Variants in KLHL5 observed in about 807,000 individuals in gnomAD.
KLHL5 encodes kelch like family member 5.
A neutral mutation model predicts 77.7 loss-of-function variants in KLHL5; 48 were observed. That is an observed-to-expected ratio of 0.62 (90% CI 0.49 to 0.79). KLHL5 has a LOEUF of 0.79. KLHL5 is among the 30% of genes least tolerant of loss of function. The probability of loss-of-function intolerance (pLI) is 0.00; values close to 1 mark genes in which losing one functional copy is unlikely to be tolerated. For synonymous variants in KLHL5, 260 were observed against 297.0 expected (o/e 0.88, Z 1.28); for missense variants, 723 against 859.7 (o/e 0.84, Z 1.99).
chr4:39,120,245 C>T (rs1474329056), intron 10 of KLHL5: 1 of 152,202 alleles, frequency 6.6e-6, no homozygotes, highest in Non-Finnish European at 1.5e-5. Context: ...TTTTTGTCCA[C>T]ACTTTTATTT....
At position 39,101,859 on chromosome 4, in the gene KLHL5, A is replaced by AAT. The variant is rs1553892986; in HGVS notation, c.1301-1410_1301-1409dup. On this transcript the variant is annotated intron_variant, in intron 6 of 10. Transcript: ENST00000504108. ...ACAGTCTGTCTCAAAAAAAAAAAAA[A>AAT]ATATATATATATATATATACACACA... is the stretch of plus-strand genomic sequence containing the variant. Among the ~76,000 whole-genome samples the AAT allele has an allele frequency of 6.6e-3, 694 of 104,748 alleles. 4 individuals are homozygous for AAT. Among genetic ancestry groups the AAT allele is most frequent in the African/African-American group, 0.011 (334 of 29,250 alleles). The allele number at this position is 104,748 out of a possible 152,430, so 68.7% of individuals were successfully genotyped here. A position where few individuals can be genotyped will look rare whatever the true frequency, so the allele number is the denominator to read the frequency against.
chr4:39,100,236 C>T (rs538010094), intron 6 of KLHL5, among the ~76,000 whole-genome samples: 1 of 152,190 alleles, frequency 6.6e-6, no homozygotes, highest in Admixed American at 6.5e-5. Context: ...TGGAAAACTC[C>T]CCAAGCTTGG....
rs757541285 is a variant in KLHL5 at position 39,076,128 on chromosome 4, C to G, written c.547C>G (p.Arg183Gly). Residue 183 changes from arginine to glycine, a missense_variant, in exon 2 of 11, where the codon CGC becomes GGC. This residue lies in a region of KLHL5 where 221 missense variants were observed against 222.1 expected (regional missense o/e 1.00). Coordinates refer to ENST00000504108, the MANE Select transcript of KLHL5 (RefSeq NM_015990.5). ...LCDVILVAGD[R>G]RIPAHRLVLS... ...TGATGTAATTTTAGTCGCTGGTGAT[C>G]GCAGAATTCCAGCTCACAGGTAGTT... 2 of 1,602,768 alleles carry G rather than the reference C, an allele frequency of 1.2e-6. No individual in the cohort carries two copies. The highest frequency in any genetic ancestry group is 8.5e-7 in the Non-Finnish European group (1 of 1,177,186).
the KLHL5 span, among the ~76,000 whole-genome samples, chr4:39,141,880 G>A: frequency 6.6e-6 from 1 of 152,196 alleles, no homozygotes; most frequent in Non-Finnish European, 1.5e-5. Context: ...AATCATGAGA[G>A]AACATGAGCA....
chr4:39,046,467 G>A (rs899390084), intron 1 of KLHL5, among the ~76,000 whole-genome samples: 3 of 152,184 alleles, frequency 2.0e-5, no homozygotes, highest in South Asian at 2.1e-4. Context: ...AGCCTGTTTT[G>A]TCTGGGCGCG....
At chr4:39,133,288 C>A in the KLHL5 span, among the ~76,000 whole-genome samples, 1 of 152,084 alleles carries the variant, frequency 6.6e-6, no homozygotes, top group South Asian at 2.1e-4. Context: ...TTACATTGTG[C>A]TTTAAGATTT....
intron 4 of KLHL5, among the ~76,000 whole-genome samples, chr4:39,082,398 C>T (rs529600006): frequency 6.6e-4 from 101 of 152,184 alleles, no homozygotes; most frequent in Middle Eastern, 3.4e-3. Context: ...GAACAGTGGC[C>T]TAGGACTGTT....
At chr4:39,108,960 ACCT>A (rs1722243614) in intron 8 of KLHL5, among the ~76,000 whole-genome samples, 1 of 152,166 alleles carries the variant, frequency 6.6e-6, no homozygotes, top group Non-Finnish European at 1.5e-5. Context: ...TTACTTACTT[ACCT>A]TTTCTTGCCC....
At chr4:39,139,830 T>A in the KLHL5 span, among the ~76,000 whole-genome samples, 1 of 152,062 alleles carries the variant, frequency 6.6e-6, no homozygotes, top group Non-Finnish European at 1.5e-5. Context: ...CCAGACAAAC[T>A]AAAATGGCAG....
intron 10 of KLHL5, among the ~76,000 whole-genome samples, chr4:39,117,349 A>G (rs996451453): frequency 1.3e-5 from 2 of 152,208 alleles, no homozygotes; most frequent in Admixed American, 1.3e-4. Context: ...GGATGTGTGA[A>G]GGCCAAGCTA....
intron 1 of KLHL5, among the ~76,000 whole-genome samples, chr4:39,055,840 A>C (rs796362398): frequency 7.9e-5 from 12 of 152,276 alleles, no homozygotes; most frequent in African/African-American, 2.6e-4. Context: ...ATTGTACGTG[A>C]TATGGTAAAG....
chr4:39,129,190 T>C (rs1723701629), downstream of KLHL5, among the ~76,000 whole-genome samples: 1 of 148,136 alleles, frequency 6.8e-6, no homozygotes, highest in Non-Finnish European at 1.5e-5. The surrounding 1 kb of genome is among the most constrained non-coding windows in gnomAD (Gnocchi z 4.2). Flanking sequence ...TTACAACTTT[T>C]TTTTTTTTTT....
At chr4:39,108,782 GT>G (rs1278820780) in intron 8 of KLHL5, among the ~76,000 whole-genome samples, 1 of 152,052 alleles carries the variant, frequency 6.6e-6, no homozygotes, top group African/African-American at 2.4e-5. Flanking sequence ...TATCTTCTTG[GT>G]TTTGACCCTT....
rs1333498233 is a variant in KLHL5 at position 39,121,806 on chromosome 4, G to T, written c.*740G>T. 1 of 152,532 alleles carries T rather than the reference G, an allele frequency of 6.6e-6. No individual in the cohort carries two copies. The highest frequency in any genetic ancestry group is 2.4e-5 in the African/African-American group (1 of 41,438). The allele number at this position is 152,532 out of a possible 1,614,324, so 9.4% of individuals were successfully genotyped here. ...TTAAATTTAAGATATGCAAATTTATGTAGAGAAAATAAATGTTATATACCC... is the reference window on the plus strand; with the variant it reads ...TTAAATTTAAGATATGCAAATTTATTTAGAGAAAATAAATGTTATATACCC... On this transcript the variant is annotated 3_prime_UTR_variant, in exon 11 of 11. Transcript: ENST00000504108.
intron 5 of KLHL5, among the ~76,000 whole-genome samples, chr4:39,087,771 G>A (rs532901518): frequency 1.4e-4 from 21 of 152,236 alleles, no homozygotes; most frequent in Non-Finnish European, 2.5e-4. Flanking sequence ...GAAAAAGAAT[G>A]AGCTGTTACT....
rs201873328 is a variant in KLHL5, at chr4:39,075,947, G to GT, written c.384-9dup. On this transcript the variant is annotated splice_polypyrimidine_tract_variant and intron_variant, in intron 1 of 10. Transcript: ENST00000504108. ...GTGATAGTGATATTTCAAAATGTGT[G>GT]TTTTTTTTTCTTTTCAGGACTTCCA... 0.032 allele frequency: 49,462 copies of GT among 1,526,268 alleles called. 611 individuals are homozygous for GT. Among genetic ancestry groups the GT allele is most frequent in the Non-Finnish European group, 0.037 (41,047 of 1,122,856 alleles). The allele number at this position is 1,526,268 out of a possible 1,614,324, so 94.5% of individuals were successfully genotyped here.
chr4:39,073,895 T>C (rs1718746634), intron 1 of KLHL5, among the ~76,000 whole-genome samples: 1 of 151,870 alleles, frequency 6.6e-6, no homozygotes, highest in Admixed American at 6.6e-5. Context: ...CTCAATCTCC[T>C]GACCTCATGA....
chr4:39,115,036 A>G (rs1722735130), intron 9 of KLHL5, 123 bp from the exon 10 acceptor site: 1 of 835,858 alleles, frequency 1.2e-6, no homozygotes, highest in Non-Finnish European at 1.8e-6. Flanking sequence ...TCTCTAAAAT[A>G]TGTTCAAATG....
chr4:39,091,515 A>G (rs935269069), intron 5 of KLHL5, among the ~76,000 whole-genome samples: 1 of 152,216 alleles, frequency 6.6e-6, no homozygotes, highest in Non-Finnish European at 1.5e-5. Context: ...CACCTAAATT[A>G]TGAACGTTTT....
Sources: gnomAD v4.1 joint callset for allele counts (sites outside exome capture counted in the v4.1 genomes callset) on GRCh38, gnomAD v4.1.1 for gene constraint, gnomAD v4.1.1 regional missense constraint, Gnocchi (gnomAD v3.1) non-coding constraint, MANE v1.5 for transcripts, NCBI Gene and HGNC (gene_info 2026-07-23, HGNC 2026-07-21) for gene names.